The following FRAS1 variants were observed in gnomAD, a reference collection of about 807,000 sequenced individuals.
FRAS1 encodes extracellular matrix organizing protein FRAS1.
Under a neutral mutation model 435.2 loss-of-function variants are expected in FRAS1, and 290 were observed. The ratio of observed to expected loss-of-function variants is 0.67; its 90% confidence interval spans 0.61 to 0.73. FRAS1 has a LOEUF of 0.73. Among genes scored for constraint, FRAS1 ranks in the 30% least tolerant of loss-of-function variants. FRAS1 has a pLI of 0.00. For missense variants in FRAS1, 4,860 were observed against 5,001.5 expected (o/e 0.97, Z 0.85); for synonymous variants, 1,800 against 1,851.0 (o/e 0.97, Z 0.71).
intron 29 of FRAS1, among the ~76,000 whole-genome samples, chr4:78,388,523 T>G (rs1212999720): frequency 6.6e-6 from 1 of 151,848 alleles, no homozygotes; most frequent in Non-Finnish European, 1.5e-5. Context: ...TTGGGCCAGG[T>G]GCAGTGGCTC....
intron 2 of FRAS1, among the ~76,000 whole-genome samples, chr4:78,201,543 T>C (rs2110076177): frequency 6.6e-6 from 1 of 152,280 alleles, no homozygotes; most frequent in Admixed American, 6.5e-5. Flanking sequence ...AGACCTGTTG[T>C]CAAATTAATT....
chr4:78,414,562 C>T (rs1578309098), intron 32 of FRAS1, among the ~76,000 whole-genome samples: 1 of 152,182 alleles, frequency 6.6e-6, no homozygotes, highest in Admixed American at 6.5e-5. Context: ...TACTTGTGAT[C>T]TGTAATAAAA....
intron 61 of FRAS1, among the ~76,000 whole-genome samples, chr4:78,503,212 G>A (rs1477780978): frequency 1.3e-5 from 2 of 152,198 alleles, no homozygotes; most frequent in African/African-American, 4.8e-5. Flanking sequence ...TTTGGCATCA[G>A]GATGATTCCG....
chr4:78,330,742 C>G (rs1228581389), intron 18 of FRAS1, among the ~76,000 whole-genome samples: 2 of 152,234 alleles, frequency 1.3e-5, no homozygotes, highest in Non-Finnish European at 1.5e-5. Context: ...TTGCAAAACC[C>G]TGTCTCCTGA....
chr4:78,139,946 C>CT (rs1199801784), intron 2 of FRAS1, among the ~76,000 whole-genome samples: 1 of 151,208 alleles, frequency 6.6e-6, no homozygotes, highest in South Asian at 2.1e-4. Context: ...TATTTGGTAA[C>CT]TTTTTTTTTG....
intron 60 of FRAS1, among the ~76,000 whole-genome samples, chr4:78,498,374 CAT>C (rs1188592130): frequency 1.3e-5 from 2 of 152,122 alleles, no homozygotes; most frequent in Admixed American, 6.5e-5. Flanking sequence ...GGCGTGGTGG[CAT>C]GCGCCTGTAA....
intron 6 of FRAS1, among the ~76,000 whole-genome samples, chr4:78,260,653 G>A (rs2110145638): frequency 2.6e-5 from 4 of 152,058 alleles, no homozygotes; most frequent in African/African-American, 9.6e-5. Context: ...CTGCAAACAG[G>A]GACAATTTGA....
chr4:78,192,222 G>A (rs907914775), intron 2 of FRAS1, among the ~76,000 whole-genome samples: 8 of 152,240 alleles, frequency 5.3e-5, no homozygotes, highest in South Asian at 4.2e-4. Context: ...TGTTCATCAC[G>A]GATATTGGTC....
At chr4:78,505,616 T>C (rs1176171908) in intron 61 of FRAS1, among the ~76,000 whole-genome samples, 3 of 152,212 alleles carry the variant, frequency 2.0e-5, no homozygotes, top group Admixed American at 1.3e-4. Flanking sequence ...TTTATTCTAG[T>C]TAGCCATTCG....
chr4:78,515,885 C>T lies in FRAS1; in HGVS notation c.10261C>T (p.Arg3421Ter), dbSNP rs201947516. The T allele has an allele frequency of 7.4e-6, 12 of 1,613,964 alleles. No individual in the cohort carries two copies. Among genetic ancestry groups the T allele is most frequent in the South Asian group, 3.3e-5 (3 of 91,082 alleles). ...DRPFQFDPSV[R>*]EPKTIQLYKH... ...CCCCTTCCAGTTTGACCCCAGCGTG[C>T]GAGAGCCGAAGACCATCCAGCTCTA... Residue 3421 changes from arginine to a stop codon, truncating the protein, a stop_gained, in exon 66 of 74, where the codon CGA becomes TGA. Transcript: ENST00000512123. LOFTEE classifies it high-confidence loss of function.
chr4:78,202,162 A>T (rs1391858058), intron 2 of FRAS1, among the ~76,000 whole-genome samples: 1 of 152,222 alleles, frequency 6.6e-6, no homozygotes, highest in Non-Finnish European at 1.5e-5. Context: ...CAATAGTGTC[A>T]TGGTAGATTA....
chr4:78,414,368 C>T (rs1374543136), intron 32 of FRAS1, among the ~76,000 whole-genome samples: 2 of 152,194 alleles, frequency 1.3e-5, no homozygotes, highest in East Asian at 1.9e-4. Flanking sequence ...TCACTGTGGA[C>T]CTCTGAAGAG....
intron 29 of FRAS1, among the ~76,000 whole-genome samples, chr4:78,399,307 T>C (rs534119713): frequency 6.6e-6 from 1 of 152,332 alleles, no homozygotes; most frequent in Admixed American, 6.5e-5. Flanking sequence ...AAAGAATAGA[T>C]GTTGTTTTCT....
chr4:78,359,663 T>G lies in FRAS1; in HGVS notation c.2423-3850T>G, dbSNP rs538355508. 6.8e-4 allele frequency among the ~76,000 whole-genome samples: 104 copies of G among 152,248 alleles called. 1 individual carries two copies. In the Middle Eastern group the frequency reaches 0.027, roughly 40 times the overall value. On this transcript the variant is annotated intron_variant, in intron 20 of 73. Transcript: ENST00000512123. ...GGAGTGGGTGTTCAGCATGACTTTT[T>G]AAACCGTAGAATGAATACAGGTAGT...
chr4:78,308,079 C>T lies in FRAS1; in HGVS notation c.1548C>T (p.Ser516=), dbSNP rs778423991. The T allele has an allele frequency of 7.4e-6, 12 of 1,612,416 alleles. No homozygotes were observed. The highest frequency in any genetic ancestry group is 1.3e-5 in the African/African-American group (1 of 74,884). ...DRHSCAVCHE[S]CAGCWGPTEK... Reference sequence around the variant, plus strand: ...ATTCGTCTGCAGTCTGCCATGAGTCCTGTGCAGGTTGCTGGGGCCCAACGG... The same window carrying T: ...ATTCGTCTGCAGTCTGCCATGAGTCTTGTGCAGGTTGCTGGGGCCCAACGG... Residue 516 remains serine, a synonymous_variant, in exon 15 of 74, where the codon TCC becomes TCT. Transcript: ENST00000512123.
chr4:78,521,834 CA>C (rs2109894709), intron 68 of FRAS1, among the ~76,000 whole-genome samples: 1 of 152,250 alleles, frequency 6.6e-6, no homozygotes, highest in African/African-American at 2.4e-5. Context: ...TCAAGTTACC[CA>C]AAATACTTCA....
Position 78,444,137 on chromosome 4 carries a change from G to A in FRAS1, c.5666-1385G>A, listed in dbSNP as rs571419888. On this transcript the variant is annotated intron_variant, in intron 41 of 73. Transcript: ENST00000512123. The stretch of plus-strand genomic sequence containing the variant: ...CCCAAAGTGTTGGGATTACAGGCAT[G>A]AGCCACCATGCCCAGTCACTACTTG... The A allele has an allele frequency of 2.0e-4, 91 of 455,140 alleles. 1 individual carries two copies. Among genetic ancestry groups the A allele is most frequent in the South Asian group, 1.4e-3 (89 of 64,330 alleles). The allele number at this position is 455,140 out of a possible 1,614,324, so 28.2% of individuals were successfully genotyped here. A position where few individuals can be genotyped will look rare whatever the true frequency, so the allele number is the denominator to read the frequency against.
At chr4:78,355,436 C>T (rs772008262) in intron 20 of FRAS1, among the ~76,000 whole-genome samples, 1 of 152,032 alleles carries the variant, frequency 6.6e-6, no homozygotes, top group Non-Finnish European at 1.5e-5. Context: ...TAGTGACAAA[C>T]AAGAATTTAC....
intron 1 of FRAS1, among the ~76,000 whole-genome samples, chr4:78,061,334 T>G (rs1430760794): frequency 6.6e-6 from 1 of 152,208 alleles, no homozygotes; most frequent in Non-Finnish European, 1.5e-5. Context: ...TCACAGAAAC[T>G]CTACCATGGC....
Sources: allele counts gnomAD v4.1 joint callset (sites outside exome capture counted in the v4.1 genomes callset), GRCh38; gene constraint gnomAD v4.1.1; transcripts MANE v1.5; gene names NCBI Gene and HGNC (gene_info 2026-07-23, HGNC 2026-07-21).